HMGA2: variants seen among roughly 807,000 people sequenced by gnomAD.
HMGA2 encodes high mobility group AT-hook 2.
HMGA2 carries 8 observed loss-of-function variants against 19.1 expected under a neutral mutation model. The observed-to-expected ratio is 0.42, with a 90% confidence interval of 0.25 to 0.76. HMGA2 has a LOEUF of 0.76. HMGA2 is among the 30% of genes least tolerant of loss of function. The pLI is 0.28. For synonymous variants in HMGA2, 60 were observed against 48.8 expected (o/e 1.23, Z -0.96); for missense variants, 109 against 136.3 (o/e 0.80, Z 1.00).
At chr12:65,857,028 T>C (rs953914657) in intron 3 of HMGA2, 1 of 152,228 alleles carries the variant, frequency 6.6e-6, no homozygotes, top group African/African-American at 2.4e-5. Context: ...ATAACAGTTC[T>C]TTATAACTTT....
In HMGA2 at chr12:65,838,490, A is replaced by G; in HGVS notation, c.199-29A>G. The G allele has an allele frequency of 2.5e-6, 4 of 1,587,814 alleles. No homozygotes were observed. In the South Asian group the frequency reaches 3.3e-5, roughly 13 times the overall value. ...ACTTATAAACAATGTCAGGTAGAAAACTATAATGACTTCCTTTTTCATTTG... is the reference window on the plus strand; with the variant it reads ...ACTTATAAACAATGTCAGGTAGAAAGCTATAATGACTTCCTTTTTCATTTG... On this transcript the variant is annotated intron_variant, in intron 2 of 4. Coordinates refer to ENST00000403681, the MANE Select transcript of HMGA2 (RefSeq NM_003483.6).
chr12:65,952,279 T>C, intron 4 of HMGA2: 2 of 1,018,414 alleles, frequency 2.0e-6, no homozygotes, highest in Non-Finnish European at 2.9e-6. Context: ...TAGAACTCTT[T>C]CATGTAATTT....
chr12:65,955,067 G>A (rs1359036959), intron 4 of HMGA2: 2 of 152,210 alleles, frequency 1.3e-5, no homozygotes, highest in African/African-American at 4.8e-5. Flanking sequence ...TATAATCCCA[G>A]CTACTCGGGA....
At chr12:65,832,019 G>T (rs1870501742) in intron 2 of HMGA2, among the ~76,000 whole-genome samples, 1 of 151,856 alleles carries the variant, frequency 6.6e-6, no homozygotes, top group South Asian at 2.1e-4. Context: ...AAGTTTTATT[G>T]TGGGATTCAG....
At chr12:65,850,415 G>A (rs1408364618) in intron 3 of HMGA2, among the ~76,000 whole-genome samples, 1 of 151,930 alleles carries the variant, frequency 6.6e-6, no homozygotes, top group Non-Finnish European at 1.5e-5. Flanking sequence ...TAAAGCAAAT[G>A]GGTTATGTAT....
At chr12:65,892,079 C>T (rs893886195) in intron 3 of HMGA2, among the ~76,000 whole-genome samples, 4 of 152,296 alleles carry the variant, frequency 2.6e-5, no homozygotes, top group South Asian at 2.1e-4. Flanking sequence ...GCCTCTGCGC[C>T]GACACTCACT....
At chr12:65,895,913 G>C (rs1447175259) in intron 3 of HMGA2, among the ~76,000 whole-genome samples, 2 of 152,140 alleles carry the variant, frequency 1.3e-5, no homozygotes, top group African/African-American at 2.4e-5. Context: ...AGTTTATTCT[G>C]TCAGTAAAGT....
At chr12:65,868,673 A>G (rs1295044985) in intron 3 of HMGA2, among the ~76,000 whole-genome samples, 3 of 152,168 alleles carry the variant, frequency 2.0e-5, no homozygotes, top group African/African-American at 7.2e-5. Flanking sequence ...ATCTTAAAGG[A>G]TGGTTTGTGG....
chr12:65,859,662 T>C (rs1871943373), intron 3 of HMGA2: 1 of 152,550 alleles, frequency 6.6e-6, no homozygotes, highest in Admixed American at 6.5e-5. Context: ...ATTAGCTCCT[T>C]ACTGCCCTAG....
intron 3 of HMGA2, among the ~76,000 whole-genome samples, chr12:65,945,935 C>A (rs2121301578): frequency 6.6e-6 from 1 of 152,214 alleles, no homozygotes; most frequent in East Asian, 1.9e-4. Flanking sequence ...TGATCATAAA[C>A]CTCACTAGTT....
At chr12:65,918,484 T>C (rs1410815121) in intron 3 of HMGA2, among the ~76,000 whole-genome samples, 1 of 152,242 alleles carries the variant, frequency 6.6e-6, no homozygotes, top group Admixed American at 6.5e-5. Context: ...AGTTTTTTTA[T>C]GTTGAATGCT....
intron 4 of HMGA2, among the ~76,000 whole-genome samples, 178 bp from the exon 5 acceptor site, chr12:65,963,067 C>T (rs980482207): frequency 5.9e-5 from 9 of 152,088 alleles, no homozygotes; most frequent in African/African-American, 2.2e-4. Context: ...AAAACAACAC[C>T]TTGATTCCTC....
chr12:65,852,296 A>G (rs1871514546), intron 3 of HMGA2, among the ~76,000 whole-genome samples: 3 of 152,144 alleles, frequency 2.0e-5, no homozygotes. Context: ...CAGGAGTTCG[A>G]GACCTGCCTG....
intron 2 of HMGA2, among the ~76,000 whole-genome samples, chr12:65,831,394 A>G (rs952956971): frequency 2.2e-5 from 3 of 139,508 alleles, no homozygotes; most frequent in Non-Finnish European, 4.5e-5. Flanking sequence ...ATTCTCATTC[A>G]CATATTTTAG....
intron 2 of HMGA2, among the ~76,000 whole-genome samples, chr12:65,829,829 C>T (rs181328195): frequency 6.6e-6 from 1 of 152,056 alleles, no homozygotes; most frequent in East Asian, 1.9e-4. Context: ...AAGCTAGTGC[C>T]TAGTTTACCA....
At chr12:65,936,075 G>A (rs530899036) in intron 3 of HMGA2, among the ~76,000 whole-genome samples, 1 of 152,144 alleles carries the variant, frequency 6.6e-6, no homozygotes, top group Non-Finnish European at 1.5e-5. Flanking sequence ...ATTCACAAAT[G>A]GAATCTGTGG....
At chr12:65,884,179 T>C (rs1873562540) in intron 3 of HMGA2, among the ~76,000 whole-genome samples, 1 of 152,184 alleles carries the variant, frequency 6.6e-6, no homozygotes, top group Admixed American at 6.5e-5. Flanking sequence ...ATATTTTTTA[T>C]ATACAGATTG....
intron 3 of HMGA2, among the ~76,000 whole-genome samples, chr12:65,851,847 G>A (rs1464680379): frequency 6.6e-6 from 1 of 152,136 alleles, no homozygotes. Flanking sequence ...GTGATGAAAG[G>A]CCTTTCTGAC....
chr12:65,877,844 G>T (rs1324143329), intron 3 of HMGA2, among the ~76,000 whole-genome samples: 1 of 150,998 alleles, frequency 6.6e-6, no homozygotes, highest in Non-Finnish European at 1.5e-5. Context: ...TAAATTATTT[G>T]TCATCCAAGA....
Sources: gnomAD v4.1 joint callset for allele counts (sites outside exome capture counted in the v4.1 genomes callset) on GRCh38, gnomAD v4.1.1 for gene constraint, MANE v1.5 for transcripts, NCBI Gene and HGNC (gene_info 2026-07-23, HGNC 2026-07-21) for gene names.